The following ANAPC1 variants were observed in gnomAD, a reference collection of about 807,000 sequenced individuals.
ANAPC1 encodes anaphase promoting complex subunit 1.
Under a neutral mutation model 208.0 loss-of-function variants are expected in ANAPC1, and 36 were observed. That is an observed-to-expected ratio of 0.17 (90% CI 0.13 to 0.23). ANAPC1 has a LOEUF of 0.23. Among genes scored for constraint, ANAPC1 ranks in the 10% least tolerant of loss-of-function variants. The pLI, the probability that ANAPC1 is intolerant of heterozygous loss-of-function variation, is 1.00. For synonymous variants in ANAPC1, 378 were observed against 695.2 expected, an observed-to-expected ratio of 0.54 and a Z score of 7.18; for missense variants, 942 against 2,011.6, an observed-to-expected ratio of 0.47 and a Z score of 10.17.
chr2:111,882,751 AG>A (rs1683376541), intron 1 of ANAPC1, among the ~76,000 whole-genome samples: 3 of 151,992 alleles, frequency 2.0e-5, no homozygotes, highest in Admixed American at 6.6e-5. Context: ...AAAAAAAAAA[AG>A]AAAAGTTATT....
intron 18 of ANAPC1, among the ~76,000 whole-genome samples, chr2:111,836,425 G>C (rs1236092262): frequency 6.6e-6 from 1 of 151,064 alleles, no homozygotes; most frequent in East Asian, 2.0e-4. Context: ...AGGACTGCTT[G>C]AGCCCAGGAG....
chr2:111,864,022 A>C (rs545134084), intron 8 of ANAPC1, 127 bp from the exon 9 acceptor site: 82 of 1,189,910 alleles, frequency 6.9e-5, no homozygotes, highest in Middle Eastern at 2.9e-4. Flanking sequence ...TTTCCTAAGA[A>C]GCTCAATCTA....
chr2:111,882,740 A>G (rs978448375), intron 1 of ANAPC1, among the ~76,000 whole-genome samples: 1 of 151,486 alleles, frequency 6.6e-6, no homozygotes, highest in Admixed American at 6.6e-5. Context: ...TCCGTCTCAA[A>G]AAAAAAAAAA....
intron 6 of ANAPC1, among the ~76,000 whole-genome samples, chr2:111,870,392 C>T (rs1682681708): frequency 6.6e-6 from 1 of 152,206 alleles, no homozygotes; most frequent in Admixed American, 6.5e-5. Context: ...GTTTTTCTGA[C>T]TCTTTAATAA....
intron 2 of ANAPC1, among the ~76,000 whole-genome samples, chr2:111,879,527 A>G (rs554117540): frequency 1.3e-5 from 2 of 152,332 alleles, no homozygotes; most frequent in African/African-American, 4.8e-5. Flanking sequence ...GGAATAAGGC[A>G]GGAGGGATTC....
chr2:111,872,283 T>C (rs1682794671), intron 6 of ANAPC1, among the ~76,000 whole-genome samples: 1 of 152,248 alleles, frequency 6.6e-6, no homozygotes, highest in South Asian at 2.1e-4. Context: ...GTCACATTTA[T>C]TGACTTGTGT....
At chr2:111,775,208 G>A (rs1276037094) in intron 46 of ANAPC1, among the ~76,000 whole-genome samples, 1 of 152,212 alleles carries the variant, frequency 6.6e-6, no homozygotes, top group Non-Finnish European at 1.5e-5. Context: ...GGAGGTTGCA[G>A]TGAGCTGAGA....
At chr2:111,836,130 GT>G (rs112502155) in intron 18 of ANAPC1, among the ~76,000 whole-genome samples, 3,576 of 151,770 alleles carry the variant, frequency 0.024, 79 homozygotes, top group Middle Eastern at 0.061. Flanking sequence ...AGGACTACAG[GT>G]TATGCGCCAT....
At chr2:111,878,568 G>A (rs950158893) in intron 3 of ANAPC1, among the ~76,000 whole-genome samples, 3 of 152,158 alleles carry the variant, frequency 2.0e-5, no homozygotes, top group Non-Finnish European at 4.4e-5. Context: ...CATAAGGACA[G>A]AGTGTTTAAA....
At chr2:111,859,083 T>C (rs1460256747) in intron 10 of ANAPC1, among the ~76,000 whole-genome samples, 1 of 152,232 alleles carries the variant, frequency 6.6e-6, no homozygotes, top group African/African-American at 2.4e-5. Context: ...GGGCCAGATC[T>C]TTCATAATGC....
At chr2:111,781,730 C>A (rs1297582678) in intron 43 of ANAPC1, among the ~76,000 whole-genome samples, 1 of 152,220 alleles carries the variant, frequency 6.6e-6, no homozygotes, top group Non-Finnish European at 1.5e-5. Flanking sequence ...GTCTTAATGC[C>A]TGATTATGGG....
At position 111,832,104 on chromosome 2, in the gene ANAPC1, C is replaced by T. The variant is rs371372757; in HGVS notation, c.2477-670G>A. On this transcript the variant is annotated intron_variant, in intron 20 of 47. Transcript: ENST00000341068. ...GGTCAGGAGTTCAAGGCCAGCCTGG[C>T]CAACATGGTGAAACCCCATCACTAC... is the stretch of plus-strand genomic sequence containing the variant. Among the ~76,000 whole-genome samples, 103 of 148,926 alleles carry T rather than the reference C, an allele frequency of 6.9e-4. No individual in the cohort carries two copies. The East Asian group carries it at 0.02, about 28-fold the overall frequency.
In ANAPC1 at chr2:111,880,165, G is replaced by A. The variant is rs185880157; in HGVS notation, c.213+448C>T. On this transcript the variant is annotated intron_variant, in intron 2 of 47. Transcript: ENST00000341068. The stretch of plus-strand genomic sequence containing the variant: ...GAGGCGGGTGGATCACCTGAGGTCC[G>A]GAGTTCAAGATCAGCCTGACCAACA... 6.1e-3 allele frequency among the ~76,000 whole-genome samples: 924 copies of A among 152,188 alleles called. 7 individuals carry two copies. Among genetic ancestry groups the A allele is most frequent in the Non-Finnish European group, 9.3e-3 (631 of 68,014 alleles).
At chr2:111,820,059 T>TA (rs1341703933) in intron 26 of ANAPC1, among the ~76,000 whole-genome samples, 2 of 152,146 alleles carry the variant, frequency 1.3e-5, no homozygotes, top group Non-Finnish European at 2.9e-5. Flanking sequence ...ATGCCACTGA[T>TA]AAGATGTATC....
At position 111,816,365 on chromosome 2, in the gene ANAPC1, A is replaced by C. The variant is rs1325435254; in HGVS notation, c.3326-724T>G. On this transcript the variant is annotated intron_variant, in intron 27 of 47. Transcript: ENST00000341068. ...TCTCTTTTTTTCTCTCTCTCTCTAT[A>C]TATACATACAGATATAGATATCTAA... 4.0e-5 allele frequency among the ~76,000 whole-genome samples: 6 copies of C among 151,484 alleles called. No homozygotes were observed. In the East Asian group the frequency reaches 5.8e-4, roughly 15 times the overall value.
At chr2:111,790,056 A>G (rs1192440190) in intron 38 of ANAPC1, among the ~76,000 whole-genome samples, 3 of 152,390 alleles carry the variant, frequency 2.0e-5, no homozygotes, top group Non-Finnish European at 2.9e-5. Context: ...ACTTCTGAAA[A>G]GGTGAGTTCC....
At chr2:111,838,358 G>A (rs1680584783) in intron 18 of ANAPC1, 80 bp downstream of exon 18, 2 of 1,129,068 alleles carry the variant, frequency 1.8e-6, no homozygotes, top group Non-Finnish European at 2.5e-6. Flanking sequence ...TAGAGGAATT[G>A]ATAGGAATAC....
intron 1 of ANAPC1, among the ~76,000 whole-genome samples, chr2:111,882,302 G>A (rs190595825): frequency 1.3e-5 from 2 of 152,248 alleles, no homozygotes; most frequent in African/African-American, 4.8e-5. Flanking sequence ...TTTATCTGCT[G>A]CAATCCCCGT....
chr2:111,870,177 T>C (rs1007534617), intron 6 of ANAPC1, among the ~76,000 whole-genome samples: 1 of 152,268 alleles, frequency 6.6e-6, no homozygotes, highest in Non-Finnish European at 1.5e-5. Context: ...GCAATAAACA[T>C]ACATGTGCAT....
Sources: allele counts gnomAD v4.1 joint callset (sites outside exome capture counted in the v4.1 genomes callset), GRCh38; gene constraint gnomAD v4.1.1; transcripts MANE v1.5; gene names NCBI Gene and HGNC (gene_info 2026-07-23, HGNC 2026-07-21).